GRM8: variants seen among roughly 807,000 people sequenced by gnomAD.
GRM8 encodes the protein glutamate metabotropic receptor 8.
In GRM8, 47 loss-of-function variants were observed where a neutral mutation model predicts 87.2. The ratio of observed to expected loss-of-function variants is 0.54; its 90% CI spans 0.43 to 0.69. GRM8 has a LOEUF of 0.69. Among genes scored for constraint, GRM8 ranks in the 30% least tolerant of loss-of-function variants. The pLI, the probability that GRM8 is intolerant of heterozygous loss-of-function variation, is 0.00. For missense variants in GRM8, 1,019 were observed against 1,139.2 expected (o/e 0.89, Z 1.52); for synonymous variants, 396 against 404.5 (o/e 0.98, Z 0.25).
At chr7:127,223,467 A>G (rs1797093253) in intron 2 of GRM8, among the ~76,000 whole-genome samples, 1 of 151,222 alleles carries the variant, frequency 6.6e-6, no homozygotes, top group South Asian at 2.1e-4. Context: ...ACACACACAC[A>G]CACACACACA....
At chr7:126,699,335 G>A (rs1031843746) in intron 7 of GRM8, among the ~76,000 whole-genome samples, 2 of 152,084 alleles carry the variant, frequency 1.3e-5, no homozygotes, top group Admixed American at 6.5e-5. Context: ...AAGTGAATTC[G>A]ACAAAAATAA....
At chr7:126,581,052 T>G (rs1039475081) in intron 8 of GRM8, among the ~76,000 whole-genome samples, 3 of 151,996 alleles carry the variant, frequency 2.0e-5, no homozygotes, top group Non-Finnish European at 4.4e-5. Context: ...CTTAAAAGCC[T>G]GCAGAACCAG....
chr7:126,506,308 T>C (rs1810457347), intron 9 of GRM8, among the ~76,000 whole-genome samples: 1 of 151,966 alleles, frequency 6.6e-6, no homozygotes, highest in Non-Finnish European at 1.5e-5. Context: ...CACTCATCCA[T>C]CAGTGAGCAT....
chr7:126,917,469 G>A (rs747874960), intron 3 of GRM8, among the ~76,000 whole-genome samples: 5 of 151,650 alleles, frequency 3.3e-5, no homozygotes, highest in Non-Finnish European at 7.4e-5. Flanking sequence ...AGAACAAATC[G>A]CAAATAATAA....
intron 2 of GRM8, among the ~76,000 whole-genome samples, chr7:127,126,033 T>TAAATTTTTACAATCTCTATGG (rs1327167933): frequency 6.6e-6 from 1 of 152,064 alleles, no homozygotes; most frequent in Non-Finnish European, 1.5e-5. Context: ...GGTAGAAATG[T>TAAATTTTTACAATCTCTATGG]AAATTTTTAC....
At chr7:127,178,530 T>C (rs1794246992) in intron 2 of GRM8, among the ~76,000 whole-genome samples, 1 of 152,154 alleles carries the variant, frequency 6.6e-6, no homozygotes, top group Admixed American at 6.6e-5. Flanking sequence ...CAAAAAGATC[T>C]TTGCCTAGGC....
At chr7:127,122,535 T>TA (rs764643425) in intron 2 of GRM8, among the ~76,000 whole-genome samples, 2 of 151,892 alleles carry the variant, frequency 1.3e-5, no homozygotes, top group Non-Finnish European at 2.9e-5. Context: ...TTTAAAAAAA[T>TA]ACCATTTCAA....
intron 6 of GRM8, among the ~76,000 whole-genome samples, chr7:126,801,121 TCAAA>T (rs1206552466): frequency 2.0e-5 from 3 of 152,116 alleles, no homozygotes; most frequent in Non-Finnish European, 2.9e-5. Flanking sequence ...CTCCCTTGTA[TCAAA>T]CAAATACAAA....
intron 7 of GRM8, among the ~76,000 whole-genome samples, chr7:126,647,219 C>G (rs561797153): frequency 6.6e-6 from 1 of 151,790 alleles, no homozygotes; most frequent in African/African-American, 2.4e-5. Flanking sequence ...AGCAAGACCC[C>G]CCTAAATCAA....
At chr7:127,190,531 G>A (rs899091609) in intron 2 of GRM8, among the ~76,000 whole-genome samples, 6 of 151,114 alleles carry the variant, frequency 4.0e-5, no homozygotes, top group African/African-American at 1.2e-4. Flanking sequence ...GCGACAGAGC[G>A]AGACTCGGTC....
At chr7:126,590,918 T>A (rs1356515558) in intron 8 of GRM8, among the ~76,000 whole-genome samples, 1 of 151,850 alleles carries the variant, frequency 6.6e-6, no homozygotes, top group Non-Finnish European at 1.5e-5. Context: ...AAACAGAACA[T>A]CCTTAAAGCA....
chr7:126,702,528 G>T (rs1183606117), intron 7 of GRM8, among the ~76,000 whole-genome samples: 1 of 152,176 alleles, frequency 6.6e-6, no homozygotes, highest in Non-Finnish European at 1.5e-5. Context: ...TACTTCACTG[G>T]CACAGAAGTC....
intron 9 of GRM8, among the ~76,000 whole-genome samples, chr7:126,528,148 G>A (rs181823449): frequency 6.6e-6 from 1 of 152,252 alleles, no homozygotes; most frequent in African/African-American, 2.4e-5. Context: ...AGGTTGCAGT[G>A]AGCCGAGGTA....
At chr7:127,017,745 G>C (rs751418710) in intron 3 of GRM8, among the ~76,000 whole-genome samples, 1 of 151,966 alleles carries the variant, frequency 6.6e-6, no homozygotes, top group Admixed American at 6.6e-5. Flanking sequence ...GAAATGTAAA[G>C]ATAATACTCA....
At chr7:127,073,555 C>A (rs1199520984) in intron 3 of GRM8, among the ~76,000 whole-genome samples, 1 of 152,096 alleles carries the variant, frequency 6.6e-6, no homozygotes, top group South Asian at 2.1e-4. Flanking sequence ...GGTGTGGGGA[C>A]CTTTATTAGT....
At chr7:126,557,200 A>G (rs1793236760) in intron 8 of GRM8, among the ~76,000 whole-genome samples, 1 of 152,210 alleles carries the variant, frequency 6.6e-6, no homozygotes, top group African/African-American at 2.4e-5. Flanking sequence ...TCTCCTCAAT[A>G]GAGTATATTT....
chr7:126,808,755 A>C (rs1035246814), intron 6 of GRM8, among the ~76,000 whole-genome samples: 5 of 152,206 alleles, frequency 3.3e-5, no homozygotes, highest in African/African-American at 9.7e-5. Context: ...TGTAGTATGA[A>C]ATGCAAACCA....
chr7:127,104,420 A>G (rs941403142), intron 3 of GRM8, among the ~76,000 whole-genome samples: 5 of 152,212 alleles, frequency 3.3e-5, no homozygotes, highest in African/African-American at 4.8e-5. Context: ...TCCCATTAAC[A>G]TCATTGTCAT....
chr7:126,676,012 T>C (rs1237623186), intron 7 of GRM8, among the ~76,000 whole-genome samples: 1 of 152,178 alleles, frequency 6.6e-6, no homozygotes, highest in African/African-American at 2.4e-5. Context: ...ACCAAAAGAC[T>C]CCCAGATTTG....
Sources: gnomAD v4.1 joint callset for allele counts (sites outside exome capture counted in the v4.1 genomes callset) on GRCh38, gnomAD v4.1.1 for gene constraint, MANE v1.5 for transcripts, NCBI Gene and HGNC (gene_info 2026-07-23, HGNC 2026-07-21) for gene names.